EPHA5: variants seen among roughly 807,000 people sequenced by gnomAD.
EPHA5 encodes EPH receptor A5.
Under a neutral mutation model 105.0 loss-of-function variants are expected in EPHA5, and 60 were observed. The ratio of observed to expected loss-of-function variants is 0.57; its 90% CI spans 0.46 to 0.71. The LOEUF (loss-of-function observed/expected upper bound fraction) is 0.71, where lower values mean the gene tolerates loss of function less well. Among genes scored for constraint, EPHA5 ranks in the 30% least tolerant of loss-of-function variants. The pLI is 0.00. For synonymous variants in EPHA5, 513 were observed against 449.1 expected (o/e 1.14, Z -1.80); for missense variants, 1,218 against 1,274.7 (o/e 0.96, Z 0.68).
intron 2 of EPHA5, among the ~76,000 whole-genome samples, chr4:65,617,832 C>G (rs1182671690): frequency 6.6e-6 from 1 of 152,086 alleles, no homozygotes; most frequent in Admixed American, 6.5e-5. Context: ...CTGCGTATCT[C>G]TATTCCTAAT....
intron 14 of EPHA5, among the ~76,000 whole-genome samples, chr4:65,345,851 C>A (rs1204301826): frequency 6.6e-6 from 1 of 151,972 alleles, no homozygotes; most frequent in Non-Finnish European, 1.5e-5. Flanking sequence ...CGGCTCACTG[C>A]AAGCTCTGCC....
intron 2 of EPHA5, among the ~76,000 whole-genome samples, chr4:65,610,173 T>C (rs781373980): frequency 5.9e-5 from 9 of 152,124 alleles, no homozygotes; most frequent in Non-Finnish European, 5.9e-5. Flanking sequence ...TAATAGTCTA[T>C]ATATGGAATA....
chr4:65,551,101 T>C (rs534584546), intron 3 of EPHA5, among the ~76,000 whole-genome samples: 10 of 151,880 alleles, frequency 6.6e-5, no homozygotes, highest in Admixed American at 6.6e-4. Context: ...CATATATGTG[T>C]ATATATGAAA....
intron 1 of EPHA5, among the ~76,000 whole-genome samples, chr4:65,653,511 A>G (rs1748791698): frequency 6.6e-6 from 1 of 152,128 alleles, no homozygotes; most frequent in African/African-American, 2.4e-5. Context: ...AGTACTCAGA[A>G]CTAATTATCC....
At chr4:65,547,298 G>GAA (rs71657184) in intron 3 of EPHA5, among the ~76,000 whole-genome samples, 16,500 of 139,270 alleles carry the variant, frequency 0.12, 1,502 homozygotes, top group East Asian at 0.41. Context: ...AAGCCAAGTG[G>GAA]AAAAAAAAAA....
chr4:65,484,516 T>A (rs551792809), intron 5 of EPHA5, among the ~76,000 whole-genome samples: 1 of 152,262 alleles, frequency 6.6e-6, no homozygotes, highest in Admixed American at 6.5e-5. Flanking sequence ...TTTGCTGCAT[T>A]TTGCTACCCA....
intron 3 of EPHA5, among the ~76,000 whole-genome samples, chr4:65,582,973 A>G (rs1364709548): frequency 6.6e-6 from 1 of 151,656 alleles, no homozygotes; most frequent in Non-Finnish European, 1.5e-5. Flanking sequence ...GGAGAAATAT[A>G]AAAACTAGAA....
intron 8 of EPHA5, among the ~76,000 whole-genome samples, chr4:65,392,338 C>A (rs1260219606): frequency 6.6e-6 from 1 of 151,968 alleles, no homozygotes; most frequent in African/African-American, 2.4e-5. Flanking sequence ...CTGAGATTTA[C>A]TTTTATTGAG....
chr4:65,484,724 C>G (rs1209435369), intron 5 of EPHA5, among the ~76,000 whole-genome samples: 1 of 152,038 alleles, frequency 6.6e-6, no homozygotes, highest in Non-Finnish European at 1.5e-5. Context: ...ATTAAAAGAG[C>G]TTTAAGCTTA....
At chr4:65,570,440 T>C (rs1578449804) in intron 3 of EPHA5, among the ~76,000 whole-genome samples, 1 of 151,714 alleles carries the variant, frequency 6.6e-6, no homozygotes, top group Non-Finnish European at 1.5e-5. Context: ...TTGGTTTTTT[T>C]TTTTCTTCCC....
chr4:65,619,280 A>G (rs1387632690), intron 2 of EPHA5, among the ~76,000 whole-genome samples: 1 of 152,378 alleles, frequency 6.6e-6, no homozygotes. Context: ...ACATAATTGA[A>G]AAACTATCTC....
At chr4:65,337,989 G>T (rs1376094137) in intron 14 of EPHA5, among the ~76,000 whole-genome samples, 1 of 151,614 alleles carries the variant, frequency 6.6e-6, no homozygotes, top group Admixed American at 6.6e-5. Context: ...TAATTATAAG[G>T]CAAACTCCAG....
intron 5 of EPHA5, among the ~76,000 whole-genome samples, chr4:65,448,502 G>A (rs1173701955): frequency 6.6e-6 from 1 of 152,004 alleles, no homozygotes. Context: ...ACAAAAATTA[G>A]CTAGGTGTAG....
At chr4:65,436,740 ATAAC>A (rs886128650) in intron 5 of EPHA5, among the ~76,000 whole-genome samples, 13 of 152,108 alleles carry the variant, frequency 8.5e-5, no homozygotes, top group African/African-American at 2.9e-4. Context: ...TACCAGAACG[ATAAC>A]TAACTATTTA....
intron 3 of EPHA5, among the ~76,000 whole-genome samples, chr4:65,598,198 A>T: frequency 6.6e-6 from 1 of 152,096 alleles, no homozygotes; most frequent in East Asian, 1.9e-4. Flanking sequence ...TGTAAAATTC[A>T]CTAAATTGGC....
At chr4:65,646,050 A>C (rs528044283) in intron 1 of EPHA5, among the ~76,000 whole-genome samples, 106 of 152,316 alleles carry the variant, frequency 7.0e-4, no homozygotes, top group African/African-American at 2.5e-3. Flanking sequence ...CTCAGAGAAA[A>C]TAACTAAAAT....
At chr4:65,634,630 A>G (rs931529700) in intron 2 of EPHA5, among the ~76,000 whole-genome samples, 3 of 152,070 alleles carry the variant, frequency 2.0e-5, no homozygotes, top group Admixed American at 2.0e-4. Flanking sequence ...ACTTTGGATC[A>G]GGCTTGTTCT....
At chr4:65,657,331 T>C in intron 1 of EPHA5, among the ~76,000 whole-genome samples, 1 of 152,176 alleles carries the variant, frequency 6.6e-6, no homozygotes, top group Non-Finnish European at 1.5e-5. Context: ...AAAATTTATG[T>C]TATGTTGGCT....
chr4:65,350,238 G>C (rs564897614), intron 13 of EPHA5, among the ~76,000 whole-genome samples: 9 of 152,120 alleles, frequency 5.9e-5, no homozygotes, highest in Admixed American at 3.3e-4. Context: ...GATAGGTCTG[G>C]AAGAGGAAGG....
Sources: allele counts gnomAD v4.1 joint callset (sites outside exome capture counted in the v4.1 genomes callset), GRCh38; gene constraint gnomAD v4.1.1; transcripts MANE v1.5; gene names NCBI Gene and HGNC (gene_info 2026-07-23, HGNC 2026-07-21).